The following ADGRF5 variants were observed in gnomAD, a reference collection of about 807,000 sequenced individuals.
ADGRF5 encodes the protein adhesion G protein-coupled receptor F5.
A neutral mutation model predicts 132.3 loss-of-function variants in ADGRF5; 75 were observed. That is an observed-to-expected ratio of 0.57 (90% CI 0.47 to 0.69). The LOEUF (loss-of-function observed/expected upper bound fraction) is 0.69, where lower values mean the gene tolerates loss of function less well. ADGRF5 is among the 30% of genes least tolerant of loss of function. The probability of loss-of-function intolerance (pLI) is 0.00; values close to 1 mark genes in which losing one functional copy is unlikely to be tolerated. For missense variants in ADGRF5, 1,516 were observed against 1,630.6 expected, an observed-to-expected ratio of 0.93 and a Z score of 1.21; for synonymous variants, 629 against 597.6, an observed-to-expected ratio of 1.05 and a Z score of -0.77.
At position 46,853,988 on chromosome 6, in the gene ADGRF5, G is replaced by C; in HGVS notation, c.*4C>G. The stretch of plus-strand genomic sequence containing the variant: ...GAGGTCACGTAGGTTGGATTATCCT[G>C]TTCTTAGTTGAGCAACGAAGAAGCA... On this transcript the variant is annotated 3_prime_UTR_variant, in exon 21 of 21. Coordinates refer to ENST00000283296, the MANE Select transcript of ADGRF5 (RefSeq NM_001098518.2). The C allele has an allele frequency of 6.3e-7, 1 of 1,595,412 alleles. No individual in the cohort carries two copies.
At chr6:46,869,551 A>G (rs1040608661) in intron 11 of ADGRF5, among the ~76,000 whole-genome samples, 1 of 152,104 alleles carries the variant, frequency 6.6e-6, no homozygotes. Context: ...CTCTCTTTTA[A>G]TATCTCCCCT....
intron 13 of ADGRF5, among the ~76,000 whole-genome samples, chr6:46,865,455 A>T (rs1377442766): frequency 1.3e-5 from 2 of 152,210 alleles, no homozygotes. Flanking sequence ...TCAGCATTCC[A>T]CAAATCCTTC....
At chr6:46,881,343 G>A in intron 8 of ADGRF5, 112 bp downstream of exon 8, 1 of 868,760 alleles carries the variant, frequency 1.2e-6, no homozygotes, top group Non-Finnish European at 1.9e-6. Flanking sequence ...AGAACCCCCT[G>A]TGCCAGGAAC....
At chr6:46,889,568 G>GTATATATATA (rs765350305) in intron 3 of ADGRF5, among the ~76,000 whole-genome samples, 3 of 77,814 alleles carry the variant, frequency 3.9e-5, no homozygotes, top group African/African-American at 6.7e-5. Context: ...GTGTGTGTGT[G>GTATATATATA]TATATATATA....
chr6:46,877,306 T>TTTCCTTCCTTCCTTCC (rs1554200509), intron 10 of ADGRF5, among the ~76,000 whole-genome samples: 3 of 77,140 alleles, frequency 3.9e-5, no homozygotes, highest in South Asian at 4.8e-4. Flanking sequence ...TCTCTCTCTC[T>TTTCCTTCCTTCCTTCC]TTCCTTCCTT....
chr6:46,858,500 C>T lies in ADGRF5; in HGVS notation c.3403G>A (p.Gly1135Ser). 6.2e-7 allele frequency: 1 copy of T among 1,613,824 alleles called. No homozygotes were observed. ...STQKAIAFCL[G>S]YGCPLAISVI... ...GAGATGGCAAGTGGGCAGCCATAGC[C>T]AAGACAGAAGGCAATGGCTTTCTGA... The change falls in exon 17 of 21, where the codon GGC becomes AGC. Residue 1135 changes from glycine to serine, a missense_variant. Around this residue, in one of 2 missense-constraint regions of ADGRF5, gnomAD observed 571 missense variants for 701.2 expected, o/e 0.81. Transcript: ENST00000283296.
intron 10 of ADGRF5, among the ~76,000 whole-genome samples, chr6:46,872,612 A>T (rs1389417295): frequency 6.6e-6 from 1 of 152,160 alleles, no homozygotes; most frequent in Non-Finnish European, 1.5e-5. Context: ...AACTTCATGC[A>T]TTCTCAGTTA....
At chr6:46,942,140 T>C (rs911227321) in intron 1 of ADGRF5, among the ~76,000 whole-genome samples, 4 of 152,184 alleles carry the variant, frequency 2.6e-5, no homozygotes, top group Non-Finnish European at 4.4e-5. Flanking sequence ...AGCCTCCCTT[T>C]GACTCCCTCT....
Position 46,859,392 on chromosome 6 carries a change from C to T in ADGRF5, c.2511G>A (p.Gln837=), listed in dbSNP as rs1322855554. The T allele has an allele frequency of 4.3e-6, 7 of 1,613,550 alleles. No individual in the cohort carries two copies. Among genetic ancestry groups the T allele is most frequent in the East Asian group, 2.2e-5 (1 of 44,878 alleles). Residue 837 remains glutamine, a synonymous_variant, in exon 17 of 21, where the codon CAG becomes CAA. Transcript: ENST00000283296. ...HSVERFSQAL[Q]SGDSPPLSFS... The stretch of plus-strand genomic sequence containing the variant: ...AGGACAAAGGAGGGCTATCTCCCGA[C>T]TGTAATGCTTGGGAAAATCTTTCCA...
At chr6:46,904,310 T>G (rs1775093052) in intron 2 of ADGRF5, among the ~76,000 whole-genome samples, 1 of 152,178 alleles carries the variant, frequency 6.6e-6, no homozygotes, top group Non-Finnish European at 1.5e-5. Flanking sequence ...TGTCCGTGGA[T>G]GGATGAGTGG....
At chr6:46,856,833 T>C in intron 18 of ADGRF5, 34 bp downstream of exon 18, 1 of 1,607,798 alleles carries the variant, frequency 6.2e-7, no homozygotes. Context: ...CACTTCAGAC[T>C]TTTCTAGAAA....
rs1272965608 is a variant in ADGRF5 at position 46,879,908 on chromosome 6, T to C, written c.946A>G (p.Ser316Gly). 1 of 1,614,074 alleles carries C rather than the reference T, an allele frequency of 6.2e-7. No individual in the cohort carries two copies. Among genetic ancestry groups the C allele is most frequent in the Non-Finnish European group, 8.5e-7 (1 of 1,179,890 alleles). The change falls in exon 9 of 21, where the codon AGC becomes GGC. Residue 316 changes from serine to glycine, a missense_variant. Coordinates refer to ENST00000283296, the MANE Select transcript of ADGRF5 (RefSeq NM_001098518.2). ...YEEQQLEIQN[S>G]SRFSIYTALF... The stretch of plus-strand genomic sequence containing the variant: ...GCGGTGTAAATCGAGAATCTGCTGC[T>C]GTTCTGGATTTCCAACTGCTGTTCT...
intron 2 of ADGRF5, among the ~76,000 whole-genome samples, chr6:46,900,502 C>T (rs1183584793): frequency 1.4e-5 from 2 of 146,362 alleles, no homozygotes; most frequent in Non-Finnish European, 3.1e-5. Flanking sequence ...TGTCCTAACC[C>T]CAATCTTCCT....
chr6:46,858,124 C>T lies in ADGRF5; in HGVS notation c.3774+5G>A. 6.2e-7 allele frequency: 1 copy of T among 1,602,044 alleles called. No homozygotes were observed. The highest frequency in any genetic ancestry group is 8.5e-7 in the Non-Finnish European group (1 of 1,172,422). On this transcript the variant is annotated splice_donor_5th_base_variant and intron_variant, in intron 17 of 20. Transcript: ENST00000283296. ...TTCCTGAAAGCTCCGCACTGTAAAACTCACCTGGAAGACATTGAGGATGGC... is the reference window on the plus strand; with the variant it reads ...TTCCTGAAAGCTCCGCACTGTAAAATTCACCTGGAAGACATTGAGGATGGC...
At chr6:46,885,413 T>C (rs1383690079) in intron 4 of ADGRF5, among the ~76,000 whole-genome samples, 1 of 152,122 alleles carries the variant, frequency 6.6e-6, no homozygotes, top group African/African-American at 2.4e-5. Context: ...AGAACTAAAC[T>C]TTTTGTTTTT....
At chr6:46,916,259 G>A (rs547098761) in intron 1 of ADGRF5, among the ~76,000 whole-genome samples, 31 of 152,222 alleles carry the variant, frequency 2.0e-4, no homozygotes, top group African/African-American at 7.0e-4. Context: ...CTACATATTA[G>A]GCATGGCTTT....
At chr6:46,869,579 C>T (rs185740285) in intron 11 of ADGRF5, among the ~76,000 whole-genome samples, 22 of 152,206 alleles carry the variant, frequency 1.4e-4, no homozygotes, top group African/African-American at 5.1e-4. Flanking sequence ...AATGTGAGCC[C>T]TCAAGGGCAG....
At chr6:46,945,263 C>T (rs4714963) in intron 1 of ADGRF5, among the ~76,000 whole-genome samples, 109,136 of 152,134 alleles carry the variant, frequency 0.72, 39,227 homozygotes, top group East Asian at 0.85. Context: ...GTGATTTTGA[C>T]TTTAAGAAAA....
intron 14 of ADGRF5, 62 bp from the exon 15 acceptor site, chr6:46,863,158 C>T (rs1295410933): frequency 3.2e-6 from 4 of 1,252,448 alleles, no homozygotes; most frequent in East Asian, 2.3e-5. Flanking sequence ...AGTAGAAATA[C>T]GGTCAGGCCA....
Sources: gnomAD v4.1 joint callset for allele counts (sites outside exome capture counted in the v4.1 genomes callset) on GRCh38, gnomAD v4.1.1 for gene constraint, gnomAD v4.1.1 regional missense constraint, MANE v1.5 for transcripts, NCBI Gene and HGNC (gene_info 2026-07-23, HGNC 2026-07-21) for gene names.